Variants in GAREM1 observed in about 807,000 individuals in gnomAD.
The protein encoded by GAREM1 is GRB2-associated and regulator of MAPK protein 1.
Under a neutral mutation model 71.3 loss-of-function variants are expected in GAREM1, and 26 were observed. That is an observed-to-expected ratio of 0.36 (90% CI 0.27 to 0.51). The LOEUF (loss-of-function observed/expected upper bound fraction) is 0.51. Among genes scored for constraint, GAREM1 ranks in the 20% least tolerant of loss-of-function variants. GAREM1 has a pLI of 0.95. For missense variants in GAREM1, 1,026 were observed against 1,103.1 expected, an observed-to-expected ratio of 0.93 and a Z score of 0.99; for synonymous variants, 440 against 433.2, an observed-to-expected ratio of 1.02 and a Z score of -0.20.
intron 4 of GAREM1, among the ~76,000 whole-genome samples, chr18:32,272,380 G>A: frequency 6.6e-6 from 1 of 152,222 alleles, no homozygotes; most frequent in East Asian, 1.9e-4. Context: ...CACAGCCCTG[G>A]TTACTGGGGC....
intron 4 of GAREM1, among the ~76,000 whole-genome samples, chr18:32,276,945 G>C (rs772009538): frequency 6.6e-5 from 10 of 152,218 alleles, no homozygotes; most frequent in Non-Finnish European, 1.3e-4. Context: ...GCAGAATCAT[G>C]CCTGAATGGC....
chr18:32,341,767 C>A (rs570706537), intron 2 of GAREM1, among the ~76,000 whole-genome samples: 1 of 152,152 alleles, frequency 6.6e-6, no homozygotes, highest in African/African-American at 2.4e-5. Context: ...AGAGGAGATA[C>A]CCAGCAACCA....
chr18:32,393,184 T>C, intron 1 of GAREM1, 149 bp from the exon 2 acceptor site: 2 of 680,824 alleles, frequency 2.9e-6, no homozygotes, highest in African/African-American at 3.6e-5. Flanking sequence ...TGAATTGTTT[T>C]TTTTTTTTTT....
intron 1 of GAREM1, among the ~76,000 whole-genome samples, chr18:32,464,828 A>G (rs2048984141): frequency 1.5e-5 from 2 of 134,524 alleles, no homozygotes; most frequent in African/African-American, 2.9e-5. Context: ...TAATTCCTAT[A>G]ATAAGTAGAA....
At chr18:32,291,334 AC>A (rs1301134878) in intron 3 of GAREM1, among the ~76,000 whole-genome samples, 2 of 149,288 alleles carry the variant, frequency 1.3e-5, no homozygotes, top group African/African-American at 2.5e-5. Context: ...AAAAAAAAAA[AC>A]CAAAAACATG....
intron 4 of GAREM1, among the ~76,000 whole-genome samples, chr18:32,271,837 T>C (rs2041467374): frequency 6.6e-6 from 1 of 152,160 alleles, no homozygotes; most frequent in East Asian, 1.9e-4. Context: ...CATTTCAGAA[T>C]ATAATTACTA....
chr18:32,349,735 C>T (rs543364031), intron 2 of GAREM1, among the ~76,000 whole-genome samples: 6 of 152,272 alleles, frequency 3.9e-5, no homozygotes, highest in Admixed American at 1.3e-4. Flanking sequence ...TGTATTTAAT[C>T]GACAAATACA....
intron 1 of GAREM1, among the ~76,000 whole-genome samples, chr18:32,403,537 T>A (rs2048336749): frequency 6.6e-6 from 1 of 152,184 alleles, no homozygotes; most frequent in African/African-American, 2.4e-5. Flanking sequence ...TCACCCTAAC[T>A]CAAGTGCTAC....
chr18:32,313,791 T>C (rs2047349077), intron 2 of GAREM1, among the ~76,000 whole-genome samples: 1 of 152,086 alleles, frequency 6.6e-6, no homozygotes, highest in African/African-American at 2.4e-5. Flanking sequence ...CTCCTCTACT[T>C]TGGGGCAAAA....
At chr18:32,380,780 G>T (rs1203624190) in intron 2 of GAREM1, among the ~76,000 whole-genome samples, 1 of 152,026 alleles carries the variant, frequency 6.6e-6, no homozygotes, top group African/African-American at 2.4e-5. Flanking sequence ...TCTAGATGGC[G>T]CTGGGGTAGG....
chr18:32,315,442 ATAT>A (rs1567961445), intron 2 of GAREM1, among the ~76,000 whole-genome samples: 43 of 142,576 alleles, frequency 3.0e-4, no homozygotes, highest in African/African-American at 8.5e-4. Context: ...ATATAAAAAA[ATAT>A]ATATAAAAGT....
At position 32,265,520 on chromosome 18, in the gene GAREM1, G is replaced by C. The variant is rs2041361020; in HGVS notation, c.*2351C>G. Reference sequence around the variant, plus strand: ...ACAATATGATCTCCAAGAGGGCAGGGGCTGTGTCTTTTACTCAGCACTGTA... The same window carrying C: ...ACAATATGATCTCCAAGAGGGCAGGCGCTGTGTCTTTTACTCAGCACTGTA... On this transcript the variant is annotated 3_prime_UTR_variant, in exon 6 of 6. Coordinates refer to ENST00000269209, the MANE Select transcript of GAREM1 (RefSeq NM_001242409.2). 6.6e-6 allele frequency: 1 copy of C among 152,138 alleles called. No individual in the cohort carries two copies. The highest frequency in any genetic ancestry group is 1.5e-5 in the Non-Finnish European group (1 of 68,046). The allele number at this position is 152,138 out of a possible 1,614,324, so 9.4% of individuals were successfully genotyped here.
chr18:32,397,514 C>T (rs1008294790), intron 1 of GAREM1, among the ~76,000 whole-genome samples: 1 of 151,850 alleles, frequency 6.6e-6, no homozygotes, highest in Non-Finnish European at 1.5e-5. Flanking sequence ...TAGTCTCTGA[C>T]AAAACAGATT....
chr18:32,299,923 CTG>C (rs1473405428), intron 3 of GAREM1, among the ~76,000 whole-genome samples: 2 of 152,068 alleles, frequency 1.3e-5, no homozygotes, highest in African/African-American at 4.8e-5. Flanking sequence ...TATTATGAGA[CTG>C]TAAAAATATA....
intron 2 of GAREM1, among the ~76,000 whole-genome samples, chr18:32,325,793 T>C (rs1023243063): frequency 2.6e-5 from 4 of 152,200 alleles, no homozygotes; most frequent in African/African-American, 9.6e-5. Flanking sequence ...TTGCATCATA[T>C]CCTTCTACAT....
chr18:32,287,903 C>T lies in GAREM1; in HGVS notation c.694G>A (p.Gly232Ser). The T allele has an allele frequency of 1.9e-6, 3 of 1,613,814 alleles. No homozygotes were observed. The highest frequency in any genetic ancestry group is 2.5e-6 in the Non-Finnish European group (3 of 1,179,980). The part of the protein sequence containing the change: ...RSPLELQMQE[G>S]EHTIRNIVEK... Reference sequence around the variant, plus strand: ...ACAATGTTGCGGATGGTGTGTTCGCCCTCTTGCATCTGAAGTTCCAGGGGA... The same window carrying T: ...ACAATGTTGCGGATGGTGTGTTCGCTCTCTTGCATCTGAAGTTCCAGGGGA... The change falls in exon 4 of 6, where the codon GGC (glycine) becomes AGC (serine). Residue 232 changes from glycine to serine, a missense_variant. Transcript: ENST00000269209. This position sits in a 1 kb window ranked among gnomAD's most constrained non-coding sequence, Gnocchi z 5.9.
Position 32,287,595 on chromosome 18 carries a change from G to A in GAREM1, c.1002C>T (p.Phe334=), listed in dbSNP as rs184904701. Residue 334 remains phenylalanine (F), a synonymous_variant, in exon 4 of 6, where the codon TTC becomes TTT. Coordinates refer to ENST00000269209, the MANE Select transcript of GAREM1 (RefSeq NM_001242409.2). The surrounding 1 kb of genome is among the most constrained non-coding windows in gnomAD (Gnocchi z 5.9). ...HHWLGICQEQ[F]DIDEYSRAVR... ...CAGCCCGTGAATACTCATCGATGTC[G>A]AACTGTTCTTGGCAGATACCTAGCC... The A allele has an allele frequency of 8.1e-6, 13 of 1,614,114 alleles. No individual in the cohort carries two copies. Among genetic ancestry groups the A allele is most frequent in the African/African-American group, 2.7e-5 (2 of 75,026 alleles).
At chr18:32,293,543 T>C (rs766051983) in intron 3 of GAREM1, among the ~76,000 whole-genome samples, 2 of 152,222 alleles carry the variant, frequency 1.3e-5, no homozygotes, top group Non-Finnish European at 2.9e-5. Context: ...TTGAAACTTA[T>C]TATTTACTTC....
intron 2 of GAREM1, among the ~76,000 whole-genome samples, chr18:32,390,558 T>C (rs774405475): frequency 1.3e-5 from 2 of 152,198 alleles, no homozygotes; most frequent in Non-Finnish European, 2.9e-5. Context: ...TCCTCTTAAG[T>C]CTTGGCACCT....
Sources: allele counts gnomAD v4.1 joint callset (sites outside exome capture counted in the v4.1 genomes callset), GRCh38; gene constraint gnomAD v4.1.1; non-coding constraint Gnocchi (gnomAD v3.1); transcripts MANE v1.5; gene names NCBI Gene and HGNC (gene_info 2026-07-23, HGNC 2026-07-21).